Variants in PDZRN3 observed in about 807,000 individuals in gnomAD.
PDZRN3 encodes the protein PDZ domain containing ring finger 3.
PDZRN3 carries 38 observed loss-of-function variants against 85.7 expected under a neutral mutation model. The ratio of observed to expected loss-of-function variants is 0.44; its 90% CI spans 0.34 to 0.58. The LOEUF (loss-of-function observed/expected upper bound fraction) is 0.58, where lower values mean the gene tolerates loss of function less well. Among genes scored for constraint, PDZRN3 ranks in the 20% least tolerant of loss-of-function variants. The pLI is 0.01. For missense variants in PDZRN3, 1,629 were observed against 1,506.4 expected (o/e 1.08, Z -1.35); for synonymous variants, 759 against 638.0 (o/e 1.19, Z -2.86).
chr3:73,403,136 C>T (rs1378995535), intron 4 of PDZRN3, among the ~76,000 whole-genome samples: 3 of 152,032 alleles, frequency 2.0e-5, no homozygotes, highest in South Asian at 2.1e-4. Flanking sequence ...TTAGTAGAGA[C>T]GGGGTTTCAC....
intron 3 of PDZRN3, among the ~76,000 whole-genome samples, chr3:73,447,903 C>T (rs1329763969): frequency 2.6e-5 from 4 of 152,232 alleles, no homozygotes; most frequent in Non-Finnish European, 5.9e-5. Context: ...CTACCCAGAT[C>T]CCTCTGGTAA....
At chr3:73,558,583 CT>C (rs1322563528) in intron 3 of PDZRN3, among the ~76,000 whole-genome samples, 1 of 152,184 alleles carries the variant, frequency 6.6e-6, no homozygotes, top group Non-Finnish European at 1.5e-5. Context: ...CCCCTTCCTC[CT>C]CTTTTTCCTG....
At chr3:73,543,448 G>C (rs946128627) in intron 3 of PDZRN3, among the ~76,000 whole-genome samples, 2 of 152,164 alleles carry the variant, frequency 1.3e-5, no homozygotes, top group African/African-American at 4.8e-5. Context: ...AAAGAAAAAA[G>C]GTATCTCATC....
chr3:73,433,375 C>T (rs931432917), intron 3 of PDZRN3, among the ~76,000 whole-genome samples: 1 of 152,222 alleles, frequency 6.6e-6, no homozygotes, highest in Admixed American at 6.5e-5. Flanking sequence ...TGTGAAGGAG[C>T]CTTGTGACAA....
chr3:73,473,909 C>T (rs1432157174), intron 3 of PDZRN3, among the ~76,000 whole-genome samples: 1 of 152,206 alleles, frequency 6.6e-6, no homozygotes, highest in African/African-American at 2.4e-5. Context: ...GGGTGTCTGA[C>T]ATTCAGCAAC....
intron 3 of PDZRN3, among the ~76,000 whole-genome samples, chr3:73,414,118 GTCATGTC>G (rs1297881880): frequency 6.6e-6 from 1 of 152,194 alleles, no homozygotes; most frequent in Non-Finnish European, 1.5e-5. Flanking sequence ...AGTAATGTCA[GTCATGTC>G]TCAGAGTCAG....
intron 3 of PDZRN3, among the ~76,000 whole-genome samples, chr3:73,550,805 C>A (rs1409663212): frequency 6.6e-6 from 1 of 152,134 alleles, no homozygotes; most frequent in Non-Finnish European, 1.5e-5. Flanking sequence ...AGAAGCACAA[C>A]CAAAACAAAA....
At chr3:73,556,379 C>G (rs559084780) in intron 3 of PDZRN3, among the ~76,000 whole-genome samples, 5 of 151,882 alleles carry the variant, frequency 3.3e-5, no homozygotes, top group African/African-American at 1.2e-4. Flanking sequence ...TGTCCTTTTC[C>G]TGTTGGAAAA....
chr3:73,552,225 A>AGTGT (rs55784793), intron 3 of PDZRN3, among the ~76,000 whole-genome samples: 17,579 of 147,722 alleles, frequency 0.12, 1,017 homozygotes, highest in East Asian at 0.18. Flanking sequence ...GAATTAAAGG[A>AGTGT]GTGTGTGTGT....
chr3:73,624,017 G>T, intron 1 of PDZRN3, 86 bp downstream of exon 1: 1 of 1,235,242 alleles, frequency 8.1e-7, no homozygotes, highest in Non-Finnish European at 1.1e-6. Flanking sequence ...GGAAGCTCGG[G>T]GCATCCCTGT....
chr3:73,548,270 T>C (rs1222508343), intron 3 of PDZRN3, among the ~76,000 whole-genome samples: 3 of 152,086 alleles, frequency 2.0e-5, no homozygotes, highest in Admixed American at 6.5e-5. Context: ...TCTGATGATG[T>C]TTGAGGATTT....
At position 73,624,301 on chromosome 3, in the gene PDZRN3, G is replaced by T. The variant is rs1702926582; in HGVS notation, c.525C>A (p.Ala175=). ...ALRAHNGALQ[A]RLGALHKALK... ...GCGCCTTGTGCAGCGCGCCCAGGCG[G>T]GCCTGGAGCGCGCCGTTGTGCGCCC... Residue 175 remains alanine (A), a synonymous_variant, in exon 1 of 10, where the codon GCC becomes GCA. Coordinates refer to ENST00000263666, the MANE Select transcript of PDZRN3 (RefSeq NM_015009.3). 1 of 1,334,228 alleles carries T rather than the reference G, an allele frequency of 7.5e-7. No homozygotes were observed. The allele number at this position is 1,334,228 out of a possible 1,614,324, so 82.6% of individuals were successfully genotyped here.
At chr3:73,603,613 A>G (rs1702548533) in intron 2 of PDZRN3, among the ~76,000 whole-genome samples, 1 of 152,240 alleles carries the variant, frequency 6.6e-6, no homozygotes, top group African/African-American at 2.4e-5. Flanking sequence ...ATGTCATTAG[A>G]AGATTTATTT....
At chr3:73,416,112 C>G (rs1702076887) in intron 3 of PDZRN3, among the ~76,000 whole-genome samples, 2 of 151,466 alleles carry the variant, frequency 1.3e-5, no homozygotes, top group South Asian at 4.2e-4. Context: ...GAGACATGAT[C>G]ATGGGAGTTG....
chr3:73,434,348 C>T (rs537900575), intron 3 of PDZRN3, among the ~76,000 whole-genome samples: 19 of 152,106 alleles, frequency 1.2e-4, no homozygotes, highest in Admixed American at 7.2e-4. Flanking sequence ...GGCATATAAA[C>T]GGACTTTATG....
At chr3:73,548,614 C>A (rs1280651752) in intron 3 of PDZRN3, among the ~76,000 whole-genome samples, 1 of 152,186 alleles carries the variant, frequency 6.6e-6, no homozygotes, top group Admixed American at 6.5e-5. Context: ...TGCCTTTTCA[C>A]ACAAGCATTT....
chr3:73,540,057 T>C lies in PDZRN3; in HGVS notation c.918+62297A>G, dbSNP rs1488108886. Among the ~76,000 whole-genome samples, 4 of 112,656 alleles carry C rather than the reference T, an allele frequency of 3.6e-5. No homozygotes were observed. In the South Asian group the frequency reaches 7.9e-4, roughly 22 times the overall value. The allele number at this position is 112,656 out of a possible 152,430, so 73.9% of individuals were successfully genotyped here. A position where few individuals can be genotyped will look rare whatever the true frequency, so the allele number is the denominator to read the frequency against. ...GTGTCTCTAACGACTTAGATAAAAG[T>C]GAGGACAGATGCTCTGAAAACTGTT... On this transcript the variant is annotated intron_variant, in intron 3 of 9. Coordinates refer to ENST00000263666, the MANE Select transcript of PDZRN3 (RefSeq NM_015009.3).
chr3:73,425,841 T>A (rs1702302890), intron 3 of PDZRN3, among the ~76,000 whole-genome samples: 2 of 152,182 alleles, frequency 1.3e-5, no homozygotes, highest in Non-Finnish European at 2.9e-5. Context: ...GCCCCCCAGA[T>A]GTGGTGTCTA....
rs146381615 is a variant in PDZRN3 at position 73,416,876 on chromosome 3, G to GTTTTTTTTTTTTTTT, written c.919-12496_919-12482dup. ...TTTTTTTTTTGTTTGTTTTTTTTTG[G>GTTTTTTTTTTTTTTT]TTTTTTTTTTTTTTTTTTTTTTTTT... On this transcript the variant is annotated intron_variant, in intron 3 of 9. Coordinates refer to ENST00000263666, the MANE Select transcript of PDZRN3 (RefSeq NM_015009.3). Among the ~76,000 whole-genome samples the GTTTTTTTTTTTTTTT allele has an allele frequency of 6.3e-4, 70 of 110,388 alleles. 2 individuals carry two copies. Among genetic ancestry groups the GTTTTTTTTTTTTTTT allele is most frequent in the Non-Finnish European group, 9.3e-4 (51 of 54,920 alleles). 72.4% of individuals were successfully genotyped at this position (110,388 alleles called of 152,430 possible). A position where few individuals can be genotyped will look rare whatever the true frequency, so the allele number is the denominator to read the frequency against.
Sources: allele counts gnomAD v4.1 joint callset (sites outside exome capture counted in the v4.1 genomes callset), GRCh38; gene constraint gnomAD v4.1.1; transcripts MANE v1.5; gene names NCBI Gene and HGNC (gene_info 2026-07-23, HGNC 2026-07-21).